The following SQSTM1 variants were observed in gnomAD, a reference collection of about 807,000 sequenced individuals.
SQSTM1 encodes the protein sequestosome 1.
A neutral mutation model predicts 45.1 loss-of-function variants in SQSTM1; 36 were observed. That is an observed-to-expected ratio of 0.80 (90% CI 0.61 to 1.05). The LOEUF (loss-of-function observed/expected upper bound fraction) is 1.05. Ranked by LOEUF, SQSTM1 falls within the 50% of genes least tolerant of loss-of-function variation. SQSTM1 has a pLI of 0.00. For synonymous variants in SQSTM1, 290 were observed against 244.3 expected, an observed-to-expected ratio of 1.19 and a Z score of -1.74; for missense variants, 617 against 607.1, an observed-to-expected ratio of 1.02 and a Z score of -0.17.
intron 1 of SQSTM1, among the ~76,000 whole-genome samples, chr5:179,811,014 G>A (rs1181556745): frequency 1.3e-5 from 2 of 152,114 alleles, no homozygotes; most frequent in African/African-American, 4.8e-5. Flanking sequence ...AGGCCGAGAC[G>A]GGCGGATCAC....
At chr5:179,833,861 C>G in intron 7 of SQSTM1, 79 bp downstream of exon 7, 1 of 1,488,100 alleles carries the variant, frequency 6.7e-7, no homozygotes, top group Non-Finnish European at 9.3e-7. Flanking sequence ...TTCAGCGACA[C>G]AAACAGAAGG....
At chr5:179,814,913 C>T (rs144845704), upstream of SQSTM1, among the ~76,000 whole-genome samples, 1,589 of 152,194 alleles carry the variant, frequency 0.01, 22 homozygotes, top group Non-Finnish European at 0.016. Context: ...CAAAGTGAGA[C>T]CTTGTCTCTA....
chr5:179,816,897 G>A (rs1757596623), upstream of SQSTM1, among the ~76,000 whole-genome samples: 1 of 152,198 alleles, frequency 6.6e-6, no homozygotes, highest in South Asian at 2.1e-4. Context: ...GAGGGAGGGA[G>A]AGGCTGGCGA....
In SQSTM1 at chr5:179,837,669, T is replaced by C. The variant is rs1201679148; in HGVS notation, c.*1076T>C. 2 of 1,614,218 alleles carry C rather than the reference T, an allele frequency of 1.2e-6. No individual in the cohort carries two copies. Among genetic ancestry groups the C allele is most frequent in the Non-Finnish European group, 8.5e-7 (1 of 1,180,048 alleles). On this transcript the variant is annotated 3_prime_UTR_variant, in exon 8 of 8. Transcript: ENST00000389805. The stretch of plus-strand genomic sequence containing the variant: ...GCTGGACCAGCTGGCCTGGGGTCCC[T>C]CTGAAGAGACCTTGGCTGCTCACTG...
Position 179,824,289 on chromosome 5 carries a change from A to G in SQSTM1, c.639A>G (p.Ala213=), listed in dbSNP as rs1938770088. The G allele has an allele frequency of 1.9e-6, 3 of 1,613,780 alleles. No homozygotes were observed. The highest frequency in any genetic ancestry group is 1.7e-6 in the Non-Finnish European group (2 of 1,180,044). Residue 213 remains alanine, a synonymous_variant, in exon 4 of 8, where the codon GCA becomes GCG. Transcript: ENST00000389805. ...ACTGGAGCCCACGTCCTCCTCGTGC[A>G]GGGGAGGCCCGCCCTGGCCCCACGG... ...PGNWSPRPPR[A]GEARPGPTAE... is the part of the protein sequence containing the mutation.
At chr5:179,813,812 G>A (rs1481785025) in intron 2 of SQSTM1, among the ~76,000 whole-genome samples, 1 of 152,102 alleles carries the variant, frequency 6.6e-6, no homozygotes, top group Non-Finnish European at 1.5e-5. Flanking sequence ...GAGAGAATAA[G>A]AGGAAACAGA....
At chr5:179,814,029 C>T (rs538857048), upstream of SQSTM1, among the ~76,000 whole-genome samples, 173 of 152,284 alleles carry the variant, frequency 1.1e-3, no homozygotes, top group African/African-American at 3.9e-3. Context: ...GGGGTGGTGG[C>T]GTGAGCCTGT....
chr5:179,832,043 A>G (rs1758251164), intron 5 of SQSTM1, among the ~76,000 whole-genome samples: 1 of 152,174 alleles, frequency 6.6e-6, no homozygotes, highest in African/African-American at 2.4e-5. Context: ...TCGGCCTCCC[A>G]AAGTGCTGGG....
At chr5:179,825,478 G>A (rs1049477261) in intron 5 of SQSTM1, among the ~76,000 whole-genome samples, 1 of 152,202 alleles carries the variant, frequency 6.6e-6, no homozygotes, top group African/African-American at 2.4e-5. Context: ...CCCAGTGAGG[G>A]AGGGTGACCA....
intron 1 of SQSTM1, among the ~76,000 whole-genome samples, chr5:179,810,578 G>A (rs1339923549): frequency 3.3e-5 from 5 of 152,292 alleles, no homozygotes; most frequent in African/African-American, 9.6e-5. Flanking sequence ...ATAAACATAC[G>A]TGTGCATGTG....
Position 179,838,064 on chromosome 5 carries a change from C to CCA in SQSTM1, c.*1473_*1474dup. 1.6e-6 allele frequency: 1 copy of CCA among 616,112 alleles called. No individual in the cohort carries two copies. The highest frequency in any genetic ancestry group is 2.8e-6 in the Non-Finnish European group (1 of 352,794). The allele number at this position is 616,112 out of a possible 1,614,324, so 38.2% of individuals were successfully genotyped here. A position where few individuals can be genotyped will look rare whatever the true frequency, so the allele number is the denominator to read the frequency against. ...GCAAGACAAAGCAAATAAATGCCTTCCACCTCACCGCAAACCTTCTGCTAA... is the reference window on the plus strand; with the variant it reads ...GCAAGACAAAGCAAATAAATGCCTTCCACACCTCACCGCAAACCTTCTGCTAA... On this transcript the variant is annotated 3_prime_UTR_variant, in exon 8 of 8. Coordinates refer to ENST00000389805, the MANE Select transcript of SQSTM1 (RefSeq NM_003900.5).
chr5:179,831,442 A>G (rs1207235217), intron 5 of SQSTM1, among the ~76,000 whole-genome samples: 1 of 152,182 alleles, frequency 6.6e-6, no homozygotes, highest in African/African-American at 2.4e-5. Flanking sequence ...CAGGCAGATC[A>G]CCTGAGGTCA....
chr5:179,827,766 T>G (rs1758055933), intron 5 of SQSTM1, among the ~76,000 whole-genome samples: 1 of 134,134 alleles, frequency 7.5e-6, no homozygotes, highest in South Asian at 2.1e-4. Context: ...AGGGCTAGTT[T>G]CTTTCTTTAT....
intron 1 of SQSTM1, among the ~76,000 whole-genome samples, chr5:179,811,343 T>C: frequency 9.7e-6 from 1 of 103,100 alleles, no homozygotes; most frequent in Non-Finnish European, 1.9e-5. Flanking sequence ...GGGGAGGAGC[T>C]ATGCAGGGGG....
At chr5:179,814,909 G>A (rs2113467125), upstream of SQSTM1, among the ~76,000 whole-genome samples, 1 of 152,314 alleles carries the variant, frequency 6.6e-6, no homozygotes, top group African/African-American at 2.4e-5. Context: ...GGACCAAAGT[G>A]AGACCTTGTC....
Position 179,824,067 on chromosome 5 carries a change from C to T in SQSTM1, c.511C>T (p.Pro171Ser). 1 of 1,613,930 alleles carries T rather than the reference C, an allele frequency of 6.2e-7. No individual in the cohort carries two copies. Among genetic ancestry groups the T allele is most frequent in the Non-Finnish European group, 8.5e-7 (1 of 1,180,040 alleles). ...GCACACCAAGCTCGCATTCCCCAGCCCCTTCGGGCACCTGTCTGAGGTGAG... is the reference window on the plus strand; with the variant it reads ...GCACACCAAGCTCGCATTCCCCAGCTCCTTCGGGCACCTGTCTGAGGTGAG... Reference protein sequence around the residue: ...RGHTKLAFPSPFGHLSEGFSH... With the variant: ...RGHTKLAFPSSFGHLSEGFSH... The change falls in exon 3 of 8, where the codon CCC becomes TCC. Residue 171 changes from proline to serine, a missense_variant. Physicochemically the swap from Pro to Ser is moderately conservative, Grantham distance 74 (BLOSUM62 -1). Coordinates refer to ENST00000389805, the MANE Select transcript of SQSTM1 (RefSeq NM_003900.5).
At chr5:179,828,387 T>C (rs1395021917) in intron 5 of SQSTM1, among the ~76,000 whole-genome samples, 3 of 143,936 alleles carry the variant, frequency 2.1e-5, no homozygotes, top group African/African-American at 8.2e-5. Context: ...TTTTTTTTTT[T>C]TTTGAGACAG....
At chr5:179,824,865 C>T (rs975761113) in intron 4 of SQSTM1, among the ~76,000 whole-genome samples, 7 of 152,020 alleles carry the variant, frequency 4.6e-5, no homozygotes, top group African/African-American at 1.7e-4. Flanking sequence ...AGGAGGTGAT[C>T]AATATTCACA....
At chr5:179,836,014 C>A (rs1758535067) in intron 7 of SQSTM1, 1 of 299,720 alleles carries the variant, frequency 3.3e-6, no homozygotes, top group Non-Finnish European at 6.5e-6. Context: ...ATTTCCAAGT[C>A]CTGTTCATTC....
Sources: allele counts gnomAD v4.1 joint callset (sites outside exome capture counted in the v4.1 genomes callset), GRCh38; gene constraint gnomAD v4.1.1; transcripts MANE v1.5; gene names NCBI Gene and HGNC (gene_info 2026-07-23, HGNC 2026-07-21).